Variants in BSG observed in about 807,000 individuals in gnomAD.
The protein encoded by BSG is basigin.
BSG carries 37 observed loss-of-function variants against 43.1 expected under a neutral mutation model. The observed-to-expected ratio is 0.86, with a 90% confidence interval of 0.66 to 1.13. The LOEUF is 1.13. Among genes scored for constraint, BSG ranks in the 50% most tolerant of loss-of-function variants. The pLI is 0.00. For synonymous variants in BSG, 309 were observed against 238.7 expected (o/e 1.29, Z -2.72); for missense variants, 599 against 554.2 (o/e 1.08, Z -0.81).
chr19:572,775 C>A, intron 1 of BSG, 74 bp downstream of exon 1: 1 of 1,313,632 alleles, frequency 7.6e-7, no homozygotes, highest in South Asian at 2.0e-5. Context: ...CGACCCGAAG[C>A]CGACGGGAGC....
chr19:572,842 C>T, intron 1 of BSG, 141 bp downstream of exon 1: 1 of 1,041,428 alleles, frequency 9.6e-7, no homozygotes, highest in Non-Finnish European at 1.2e-6. Context: ...GGGGGCTTCC[C>T]GCGCCAGCAT....
chr19:582,282 T>C, intron 6 of BSG, 24 bp from the exon 7 acceptor site: 5 of 1,605,396 alleles, frequency 3.1e-6, no homozygotes, highest in Non-Finnish European at 4.2e-6. Flanking sequence ...CGTCCTCTTT[T>C]TCATGGCGGC....
At chr19:576,919 A>G (rs541344713) in intron 1 of BSG, among the ~76,000 whole-genome samples, 4 of 151,860 alleles carry the variant, frequency 2.6e-5, no homozygotes, top group African/African-American at 9.7e-5. Context: ...GTGCACGCAT[A>G]TGCACGTGTG....
rs1200407370 is a variant in BSG, at chr19:572,601, T to A, written c.-34T>A. On this transcript the variant is annotated 5_prime_UTR_variant, in exon 1 of 9. The change creates a new upstream start codon in the 5' untranslated region. Coordinates refer to ENST00000333511, the MANE Select transcript of BSG (RefSeq NM_001728.4). ...CGGCCGCGGGCGGCGGCGGCAGCGG[T>A]TGGAGGTTGTAGGACCGGCGAGGAA... 2 of 1,454,450 alleles carry A rather than the reference T, an allele frequency of 1.4e-6. No homozygotes were observed. Among genetic ancestry groups the A allele is most frequent in the Admixed American group, 4.9e-5 (2 of 41,220 alleles). The allele number at this position is 1,454,450 out of a possible 1,614,324, so 90.1% of individuals were successfully genotyped here.
intron 1 of BSG, among the ~76,000 whole-genome samples, chr19:576,962 T>TTG (rs28921982): frequency 3.4e-4 from 51 of 151,346 alleles, no homozygotes; most frequent in East Asian, 1.8e-3. Flanking sequence ...ACGTGTGTCC[T>TTG]TGTGTGTGTG....
rs1436819528 is a variant in BSG at position 572,623 on chromosome 19, G to A, written c.-12G>A. 8 of 1,495,826 alleles carry A rather than the reference G, an allele frequency of 5.3e-6. No individual in the cohort carries two copies. Among genetic ancestry groups the A allele is most frequent in the South Asian group, 1.3e-5 (1 of 78,184 alleles). The allele number at this position is 1,495,826 out of a possible 1,614,324, so 92.7% of individuals were successfully genotyped here. On this transcript the variant is annotated 5_prime_UTR_variant, in exon 1 of 9. Coordinates refer to ENST00000333511, the MANE Select transcript of BSG (RefSeq NM_001728.4). ...CGGTTGGAGGTTGTAGGACCGGCGA[G>A]GAATAGGAATCATGGCGGCTGCGCT...
intron 1 of BSG, among the ~76,000 whole-genome samples, 183 bp downstream of exon 1, chr19:572,884 G>C (rs577273577): frequency 1.3e-5 from 2 of 152,256 alleles, no homozygotes; most frequent in African/African-American, 4.8e-5. Context: ...AGGGTTTGAG[G>C]GGGGACTAGA....
Position 572,609 on chromosome 19 carries a change from T to G in BSG, c.-26T>G. On this transcript the variant is annotated 5_prime_UTR_variant, in exon 1 of 9. Coordinates refer to ENST00000333511, the MANE Select transcript of BSG (RefSeq NM_001728.4). Reference sequence around the variant, plus strand: ...GGCGGCGGCGGCAGCGGTTGGAGGTTGTAGGACCGGCGAGGAATAGGAATC... The same window carrying G: ...GGCGGCGGCGGCAGCGGTTGGAGGTGGTAGGACCGGCGAGGAATAGGAATC... 1 of 1,485,074 alleles carries G rather than the reference T, an allele frequency of 6.7e-7. No individual in the cohort carries two copies. Among genetic ancestry groups the G allele is most frequent in the East Asian group, 2.9e-5 (1 of 34,214 alleles). 92.0% of individuals were successfully genotyped at this position (1,485,074 alleles called of 1,614,324 possible).
At chr19:579,159 G>C (rs997863987) in intron 2 of BSG, 8 of 485,706 alleles carry the variant, frequency 1.6e-5, no homozygotes, top group Admixed American at 1.6e-4. Flanking sequence ...CCACACCCTG[G>C]TCCCAGCCTC....
At position 577,883 on chromosome 19, in the gene BSG, A is replaced by G; in HGVS notation, c.177A>G (p.Glu59=). The G allele has an allele frequency of 1.3e-6, 2 of 1,579,936 alleles. No individual in the cohort carries two copies. Among genetic ancestry groups the G allele is most frequent in the South Asian group, 1.1e-5 (1 of 87,920 alleles). The change falls in exon 2 of 9, where the codon GAA becomes GAG. Residue 59 remains glutamate (E), a synonymous_variant. Transcript: ENST00000333511. ...TGCCCGAGATCCAGTGGTGGTTTGA[A>G]GGGCAGGGTCCCAACGACACCTGCT... ...SPVPEIQWWF[E]GQGPNDTCSQ...
At chr19:577,394 C>T (rs1223682694) in intron 1 of BSG, among the ~76,000 whole-genome samples, 3 of 152,144 alleles carry the variant, frequency 2.0e-5, no homozygotes, top group East Asian at 1.9e-4. Context: ...GCAGCTCACC[C>T]GGGTCTCTGG....
At position 579,655 on chromosome 19, in the gene BSG, A is replaced by G. The variant is rs758033342; in HGVS notation, c.571A>G (p.Lys191Glu). The G allele has an allele frequency of 1.1e-5, 17 of 1,607,360 alleles. No individual in the cohort carries two copies. Among genetic ancestry groups the G allele is most frequent in the Non-Finnish European group, 1.2e-5 (14 of 1,177,138 alleles). ...DALPGQKTEF[K>E]VDSDDQWGEY... ...GCTGCCCGGCCAGAAAACGGAGTTC[A>G]AGTGAGTGCCTGACCACGCCATGCC... is the stretch of plus-strand genomic sequence containing the variant. Residue 191 changes from lysine (K) to glutamate (E), a missense_variant and splice_region_variant, in exon 3 of 9, where the codon AAG becomes GAG. Transcript: ENST00000333511.
chr19:580,406 G>T lies in BSG; in HGVS notation c.600G>T (p.Glu200Asp), dbSNP rs1487220462. 6.2e-7 allele frequency: 1 copy of T among 1,611,302 alleles called. No individual in the cohort carries two copies. The highest frequency in any genetic ancestry group is 8.5e-7 in the Non-Finnish European group (1 of 1,179,928). Residue 200 changes from glutamate to aspartate, a missense_variant, in exon 4 of 9, where the codon GAG becomes GAT. Coordinates refer to ENST00000333511, the MANE Select transcript of BSG (RefSeq NM_001728.4). ...FKVDSDDQWG[E>D]YSCVFLPEPM... ...TGGACTCCGACGACCAGTGGGGAGA[G>T]TACTCCTGCGTCTTCCTCCCCGAGC...
At chr19:574,769 C>T (rs964255200) in intron 1 of BSG, among the ~76,000 whole-genome samples, 9 of 152,222 alleles carry the variant, frequency 5.9e-5, no homozygotes, top group South Asian at 2.1e-4. Flanking sequence ...TTTCGTCTTC[C>T]TGGTAACCAA....
At chr19:574,373 G>T in intron 1 of BSG, among the ~76,000 whole-genome samples, 1 of 152,116 alleles carries the variant, frequency 6.6e-6, no homozygotes, top group East Asian at 1.9e-4. Context: ...CTAACACGGT[G>T]AAACCCCGTC....
chr19:572,806 G>C, intron 1 of BSG, 105 bp downstream of exon 1: 1 of 1,246,632 alleles, frequency 8.0e-7, no homozygotes, highest in Non-Finnish European at 1.0e-6. Context: ...GGCGCGGGGC[G>C]GCCTGGGGTG....
intron 1 of BSG, among the ~76,000 whole-genome samples, chr19:575,741 T>C (rs1011788459): frequency 6.6e-6 from 1 of 152,154 alleles, no homozygotes. Context: ...GTGACTTTAC[T>C]TGAGAACATG....
intron 1 of BSG, among the ~76,000 whole-genome samples, chr19:576,963 TGTG>T (rs1981833894): frequency 1.3e-5 from 1 of 74,448 alleles, no homozygotes; most frequent in Non-Finnish European, 2.4e-5. Context: ...CGTGTGTCCT[TGTG>T]TGTGTGTGTG....
chr19:580,998 C>T (rs1982258964), intron 5 of BSG, among the ~76,000 whole-genome samples: 1 of 133,412 alleles, frequency 7.5e-6, no homozygotes. Flanking sequence ...GGGTCCCGGA[C>T]CCAGCCCTCC....
Sources: allele counts gnomAD v4.1 joint callset (sites outside exome capture counted in the v4.1 genomes callset), GRCh38; gene constraint gnomAD v4.1.1; transcripts MANE v1.5; gene names NCBI Gene and HGNC (gene_info 2026-07-23, HGNC 2026-07-21).